STXBP5L: variants seen among roughly 807,000 people sequenced by gnomAD.
The protein encoded by STXBP5L is syntaxin binding protein 5L.
STXBP5L carries 65 observed loss-of-function variants against 144.5 expected under a neutral mutation model. The observed-to-expected ratio is 0.45, with a 90% CI of 0.37 to 0.55. STXBP5L has a LOEUF of 0.55. STXBP5L is among the 20% of genes least tolerant of loss of function. The pLI is 0.00. For synonymous variants in STXBP5L, 505 were observed against 469.6 expected (o/e 1.08, Z -0.97); for missense variants, 1,298 against 1,405.5 (o/e 0.92, Z 1.22).
chr3:121,004,110 G>T (rs1298612070), intron 3 of STXBP5L, among the ~76,000 whole-genome samples: 1 of 152,062 alleles, frequency 6.6e-6, no homozygotes, highest in Non-Finnish European at 1.5e-5. Flanking sequence ...GCTTGATGGG[G>T]ATGGCACTGA....
At chr3:121,393,346 A>G (rs932537229) in intron 22 of STXBP5L, among the ~76,000 whole-genome samples, 1 of 152,058 alleles carries the variant, frequency 6.6e-6, no homozygotes, top group African/African-American at 2.4e-5. Flanking sequence ...TGTCAGATGC[A>G]TTGTTGGCAA....
At chr3:120,945,655 C>T (rs1030468040) in intron 2 of STXBP5L, among the ~76,000 whole-genome samples, 7 of 151,488 alleles carry the variant, frequency 4.6e-5, no homozygotes, top group Non-Finnish European at 8.8e-5. Context: ...TCTGAAGAGG[C>T]GAGAGTAAAA....
At chr3:121,156,791 A>G (rs1351578149) in intron 8 of STXBP5L, among the ~76,000 whole-genome samples, 5 of 152,128 alleles carry the variant, frequency 3.3e-5, no homozygotes, top group Middle Eastern at 3.4e-3. Context: ...AACTACTTAC[A>G]TATCATTTAC....
chr3:120,970,632 C>T (rs1940139640), intron 3 of STXBP5L, among the ~76,000 whole-genome samples: 2 of 152,038 alleles, frequency 1.3e-5, no homozygotes, highest in African/African-American at 4.8e-5. Context: ...TATGATATGC[C>T]TTAGAGATTT....
At chr3:121,211,162 G>T (rs1302590818) in intron 10 of STXBP5L, among the ~76,000 whole-genome samples, 1 of 152,136 alleles carries the variant, frequency 6.6e-6, no homozygotes, top group African/African-American at 2.4e-5. Context: ...TTGTAAGTTG[G>T]ATTGCTAAGT....
chr3:120,927,377 G>A (rs1709693466), intron 2 of STXBP5L, among the ~76,000 whole-genome samples: 1 of 152,198 alleles, frequency 6.6e-6, no homozygotes, highest in Non-Finnish European at 1.5e-5. Context: ...TCCTTTGGCT[G>A]AGTTACAGAG....
intron 5 of STXBP5L, among the ~76,000 whole-genome samples, chr3:121,090,732 T>A (rs1350427040): frequency 6.6e-6 from 1 of 152,094 alleles, no homozygotes; most frequent in Non-Finnish European, 1.5e-5. Flanking sequence ...CTTTACTTCA[T>A]GGGGACACAA....
intron 3 of STXBP5L, among the ~76,000 whole-genome samples, chr3:121,039,993 A>G (rs1319365277): frequency 6.6e-6 from 1 of 152,022 alleles, no homozygotes; most frequent in South Asian, 2.1e-4. Context: ...TATCTTCTGT[A>G]TATCTACTTA....
chr3:121,053,674 A>G (rs1948213350), intron 5 of STXBP5L, among the ~76,000 whole-genome samples: 1 of 152,250 alleles, frequency 6.6e-6, no homozygotes, highest in Non-Finnish European at 1.5e-5. Context: ...GGACATAGGC[A>G]TGGGCAAGGA....
chr3:120,996,180 T>G (rs1943332022), intron 3 of STXBP5L, among the ~76,000 whole-genome samples: 1 of 152,092 alleles, frequency 6.6e-6, no homozygotes, highest in African/African-American at 2.4e-5. Flanking sequence ...TATTTTTGTT[T>G]TGTTTTGTTT....
At chr3:121,084,503 G>T (rs902658716) in intron 5 of STXBP5L, among the ~76,000 whole-genome samples, 1 of 151,994 alleles carries the variant, frequency 6.6e-6, no homozygotes. Flanking sequence ...TAATGGCTTC[G>T]AGCTCCATCC....
intron 10 of STXBP5L, among the ~76,000 whole-genome samples, chr3:121,207,243 A>C (rs981405516): frequency 6.6e-6 from 1 of 152,160 alleles, no homozygotes; most frequent in Non-Finnish European, 1.5e-5. Flanking sequence ...AGGATTCCCT[A>C]TTTAATAAAT....
intron 8 of STXBP5L, among the ~76,000 whole-genome samples, chr3:121,155,336 G>T (rs1366661614): frequency 6.6e-6 from 1 of 151,712 alleles, no homozygotes; most frequent in Non-Finnish European, 1.5e-5. Context: ...TTCTCATCAT[G>T]AACTGCCTTC....
In STXBP5L at chr3:120,990,908, T is replaced by A. The variant is rs1165876615; in HGVS notation, c.287+35871T>A. ...GAAAACCTAGGCAATACCATTCAGG[T>A]CATAGGCATGGGCAAGGACTTCATG... On this transcript the variant is annotated intron_variant, in intron 3 of 26. Transcript: ENST00000471454. Among the ~76,000 whole-genome samples the A allele has an allele frequency of 1.0e-3, 159 of 151,648 alleles. No homozygotes were observed. In the East Asian group the frequency reaches 0.012, roughly 11 times the overall value.
At chr3:121,092,353 A>G (rs1422207023) in intron 5 of STXBP5L, among the ~76,000 whole-genome samples, 3 of 152,042 alleles carry the variant, frequency 2.0e-5, no homozygotes, top group Non-Finnish European at 4.4e-5. Flanking sequence ...TCTATAAATT[A>G]CCTTGGGCAG....
rs550073463 is a variant in STXBP5L, at chr3:121,230,628, T to C, written c.1112-2988T>C. On this transcript the variant is annotated intron_variant, in intron 11 of 26. Coordinates refer to ENST00000471454, the MANE Select transcript of STXBP5L (RefSeq NM_001308330.2). Reference sequence around the variant, plus strand: ...AAGTTCCTGGTCTTATTTGCTTAATTTATGAATACTCATCTATTTATAAGC... The same window carrying C: ...AAGTTCCTGGTCTTATTTGCTTAATCTATGAATACTCATCTATTTATAAGC... Among the ~76,000 whole-genome samples the C allele has an allele frequency of 7.2e-5, 11 of 152,216 alleles. No homozygotes were observed. The East Asian group carries it at 2.1e-3, about 29-fold the overall frequency.
At chr3:121,105,095 T>G (rs953236537) in intron 5 of STXBP5L, among the ~76,000 whole-genome samples, 1 of 151,950 alleles carries the variant, frequency 6.6e-6, no homozygotes, top group African/African-American at 2.4e-5. Context: ...GAATAGACAG[T>G]TCTCAAAAGA....
At chr3:121,098,796 C>A (rs974927371) in intron 5 of STXBP5L, among the ~76,000 whole-genome samples, 1 of 152,158 alleles carries the variant, frequency 6.6e-6, no homozygotes, top group Admixed American at 6.5e-5. Context: ...TACAAGGAAT[C>A]CAGTTTATAA....
rs370427256 is a variant in STXBP5L, at chr3:121,041,710, C to G, written c.298C>G (p.Pro100Ala). 1.7e-5 allele frequency: 28 copies of G among 1,611,778 alleles called. No individual in the cohort carries two copies. Among genetic ancestry groups the G allele is most frequent in the Non-Finnish European group, 2.1e-5 (25 of 1,178,510 alleles). Residue 100 changes from proline (P) to alanine (A), a missense_variant, in exon 4 of 27, where the codon CCT (proline) becomes GCT (alanine). By Grantham distance (27) the Pro-to-Ala change is conservative (BLOSUM62 -1). Transcript: ENST00000471454. ...RTGAIRILGR[P>A]GVDCYCQHES... ...CTTTTATTATATTAGACTCGGGAGA[C>G]CTGGTGTTGATTGCTATTGCCAACA... is the stretch of plus-strand genomic sequence containing the variant.
Sources: allele counts gnomAD v4.1 joint callset (sites outside exome capture counted in the v4.1 genomes callset), GRCh38; gene constraint gnomAD v4.1.1; transcripts MANE v1.5; gene names NCBI Gene and HGNC (gene_info 2026-07-23, HGNC 2026-07-21).